SFMBT2: variants seen among roughly 807,000 people sequenced by gnomAD.
The protein encoded by SFMBT2 is scm-like with four MBT domains protein 2.
In SFMBT2, 38 loss-of-function variants were observed where a neutral mutation model predicts 110.1. The observed-to-expected ratio is 0.35, with a 90% confidence interval of 0.27 to 0.45. SFMBT2 has a LOEUF of 0.45. SFMBT2 is among the 20% of genes least tolerant of loss of function. The probability of loss-of-function intolerance (pLI) is 1.00; values close to 1 mark genes in which losing one functional copy is unlikely to be tolerated. For synonymous variants in SFMBT2, 425 were observed against 425.4 expected (o/e 1.00, Z 0.01); for missense variants, 1,011 against 1,094.9 (o/e 0.92, Z 1.08).
At position 7,263,462 on chromosome 10, in the gene SFMBT2, G is replaced by A. The variant is rs183332914; in HGVS notation, c.870+13430C>T. Reference sequence around the variant, plus strand: ...TCACCATGTTAGCCAGGCTGGTCTCGAACTCCTGACCTCAGGTGATCCACC... The same window carrying A: ...TCACCATGTTAGCCAGGCTGGTCTCAAACTCCTGACCTCAGGTGATCCACC... On this transcript the variant is annotated intron_variant, in intron 7 of 20. Transcript: ENST00000397167. 3.1e-3 allele frequency among the ~76,000 whole-genome samples: 476 copies of A among 152,212 alleles called. 3 individuals are homozygous for A. The highest frequency in any genetic ancestry group is 0.01 in the African/African-American group (421 of 41,546).
intron 3 of SFMBT2, among the ~76,000 whole-genome samples, chr10:7,369,921 G>A (rs956825027): frequency 1.3e-5 from 2 of 152,052 alleles, no homozygotes; most frequent in Non-Finnish European, 2.9e-5. Context: ...GTGCAGTGGC[G>A]CAATCTTGGC....
intron 5 of SFMBT2, chr10:7,284,724 A>G (rs565465331): frequency 4.3e-6 from 1 of 230,186 alleles, no homozygotes; most frequent in South Asian, 1.6e-4. Flanking sequence ...TTAGACTACT[A>G]TGTAAAATTA....
At chr10:7,240,021 T>C (rs182458541) in intron 9 of SFMBT2, among the ~76,000 whole-genome samples, 20 of 152,252 alleles carry the variant, frequency 1.3e-4, no homozygotes, top group Middle Eastern at 6.8e-3. Context: ...CTTTCAGTTA[T>C]AAAAACCCTC....
chr10:7,226,642 A>G (rs1470462976), intron 10 of SFMBT2, among the ~76,000 whole-genome samples: 61 of 152,244 alleles, frequency 4.0e-4, no homozygotes, highest in Non-Finnish European at 1.0e-4. Flanking sequence ...TATACATTTA[A>G]GCCTAATTCT....
At chr10:7,392,986 TATATATATA>T (rs1564472876) in intron 1 of SFMBT2, among the ~76,000 whole-genome samples, 2 of 5,286 alleles carry the variant, frequency 3.8e-4, no homozygotes, top group East Asian at 0.014. Flanking sequence ...GGATAGATTA[TATATATATA>T]TATATATATA....
intron 4 of SFMBT2, among the ~76,000 whole-genome samples, chr10:7,361,673 G>T (rs779735097): frequency 3.9e-5 from 6 of 152,110 alleles, no homozygotes; most frequent in Non-Finnish European, 7.4e-5. Context: ...TGCAGAGTAC[G>T]CAATTCAAAT....
At chr10:7,363,441 T>C (rs479425) in intron 4 of SFMBT2, among the ~76,000 whole-genome samples, 118,828 of 151,702 alleles carry the variant, frequency 0.78, 47,069 homozygotes, top group African/African-American at 0.9. Flanking sequence ...CTTTGCCTCC[T>C]GGGTTCAAAC....
In SFMBT2 at chr10:7,171,129, G is replaced by T; in HGVS notation, c.2416-73C>A. 6.2e-7 allele frequency: 1 copy of T among 1,603,300 alleles called. No individual in the cohort carries two copies. Among genetic ancestry groups the T allele is most frequent in the Non-Finnish European group, 8.5e-7 (1 of 1,174,634 alleles). On this transcript the variant is annotated intron_variant, in intron 19 of 20. Coordinates refer to ENST00000397167, the MANE Select transcript of SFMBT2 (RefSeq NM_001387889.1). The surrounding 1 kb of genome is among the most constrained non-coding windows in gnomAD (Gnocchi z 4.9). ...CTGGGTCCTCTCCAGCACTCTCCAGGCCTCGGCCGTTCCTGGCCGGAAGCC... is the reference window on the plus strand; with the variant it reads ...CTGGGTCCTCTCCAGCACTCTCCAGTCCTCGGCCGTTCCTGGCCGGAAGCC...
rs1842067415 is a variant in SFMBT2, at chr10:7,285,773, T to C, written c.525+93A>G. 6 of 747,322 alleles carry C rather than the reference T, an allele frequency of 8.0e-6. No homozygotes were observed. The Admixed American group carries it at 1.1e-4, about 14-fold the overall frequency. 46.3% of individuals were successfully genotyped at this position (747,322 alleles called of 1,614,324 possible). ...GCAGTGTCTGCAGAAAGCACGCATC[T>C]GCTGAAGGATATATGCAAAGGTGCT... is the stretch of plus-strand genomic sequence containing the variant. On this transcript the variant is annotated intron_variant, in intron 5 of 20. Transcript: ENST00000397167.
chr10:7,268,140 A>G (rs2131798726), intron 7 of SFMBT2, among the ~76,000 whole-genome samples: 1 of 152,336 alleles, frequency 6.6e-6, no homozygotes, highest in South Asian at 2.1e-4. Context: ...CAGACACGTG[A>G]CATGTTACAA....
chr10:7,278,535 G>A (rs1841852171), intron 6 of SFMBT2, among the ~76,000 whole-genome samples: 1 of 152,226 alleles, frequency 6.6e-6, no homozygotes, highest in South Asian at 2.1e-4. Context: ...CTCCTGATGG[G>A]ACAGGGACCA....
intron 7 of SFMBT2, among the ~76,000 whole-genome samples, chr10:7,263,305 G>A (rs904030523): frequency 3.9e-5 from 6 of 152,000 alleles, no homozygotes; most frequent in African/African-American, 1.2e-4. Context: ...ACAATGGCGC[G>A]ATCTCAGCTT....
chr10:7,297,278 T>C (rs1038114998), intron 4 of SFMBT2, among the ~76,000 whole-genome samples: 3 of 152,114 alleles, frequency 2.0e-5, no homozygotes, highest in African/African-American at 7.2e-5. Context: ...ACACAGGAAA[T>C]GGCAGGCTCC....
At chr10:7,319,746 CAGAGAG>C (rs148675672) in intron 4 of SFMBT2, among the ~76,000 whole-genome samples, 1 of 143,316 alleles carries the variant, frequency 7.0e-6, no homozygotes, top group African/African-American at 2.6e-5. Context: ...GATAGAGAGA[CAGAGAG>C]AGAGAGACAG....
chr10:7,182,273 G>A (rs1377797353), intron 16 of SFMBT2, among the ~76,000 whole-genome samples: 1 of 152,118 alleles, frequency 6.6e-6, no homozygotes, highest in African/African-American at 2.4e-5. Context: ...TCTGACCTCA[G>A]GTGATCCTCC....
chr10:7,266,419 G>A (rs142943081), intron 7 of SFMBT2, among the ~76,000 whole-genome samples: 156 of 152,274 alleles, frequency 1.0e-3, no homozygotes, highest in African/African-American at 2.7e-3. Flanking sequence ...GCAGACACCC[G>A]TAGGAAGTGA....
Position 7,293,165 on chromosome 10 carries a change from C to T in SFMBT2, c.437-7211G>A, listed in dbSNP as rs1168552830. On this transcript the variant is annotated intron_variant, in intron 4 of 20. Coordinates refer to ENST00000397167, the MANE Select transcript of SFMBT2 (RefSeq NM_001387889.1). The surrounding 1 kb of genome is among the most constrained non-coding windows in gnomAD (Gnocchi z 4.6). The stretch of plus-strand genomic sequence containing the variant: ...CTGGGTTCAAGCGATTCTCCTACCT[C>T]AGCCTCCCAAGCAGCTGGGATTACA... Among the ~76,000 whole-genome samples, 1 of 152,132 alleles carries T rather than the reference C, an allele frequency of 6.6e-6. No individual in the cohort carries two copies. The highest frequency in any genetic ancestry group is 2.4e-5 in the African/African-American group (1 of 41,420).
At chr10:7,377,981 G>T (rs1437852169) in intron 2 of SFMBT2, among the ~76,000 whole-genome samples, 42 of 145,202 alleles carry the variant, frequency 2.9e-4, no homozygotes, top group African/African-American at 8.8e-4. Context: ...TGTGTGTGTG[G>T]GGGGGAGGTG....
intron 1 of SFMBT2, among the ~76,000 whole-genome samples, chr10:7,400,743 TG>T (rs1416114583): frequency 6.6e-6 from 1 of 152,198 alleles, no homozygotes; most frequent in African/African-American, 2.4e-5. Context: ...CTGCCTGGCT[TG>T]GGGCCTCCTC....
Sources: gnomAD v4.1 joint callset for allele counts (sites outside exome capture counted in the v4.1 genomes callset) on GRCh38, gnomAD v4.1.1 for gene constraint, Gnocchi (gnomAD v3.1) non-coding constraint, MANE v1.5 for transcripts, NCBI Gene and HGNC (gene_info 2026-07-23, HGNC 2026-07-21) for gene names.